CLEC16A: variants seen among roughly 807,000 people sequenced by gnomAD.
CLEC16A encodes the protein protein CLEC16A.
In CLEC16A, 51 loss-of-function variants were observed where a neutral mutation model predicts 109.5. The observed-to-expected ratio is 0.47, with a 90% CI of 0.37 to 0.59. The LOEUF is 0.59. Ranked by LOEUF, CLEC16A falls within the 20% of genes least tolerant of loss-of-function variation. CLEC16A has a pLI of 0.00. For synonymous variants in CLEC16A, 673 were observed against 564.2 expected (o/e 1.19, Z -2.73); for missense variants, 1,339 against 1,394.0 (o/e 0.96, Z 0.63).
At chr16:11,065,944 C>T (rs1362261387) in intron 19 of CLEC16A, among the ~76,000 whole-genome samples, 1 of 152,190 alleles carries the variant, frequency 6.6e-6, no homozygotes, top group African/African-American at 2.4e-5. Context: ...CTGTCCCAAA[C>T]GGACACTTCT....
chr16:11,061,975 C>A (rs1195680596), intron 19 of CLEC16A, among the ~76,000 whole-genome samples: 1 of 152,088 alleles, frequency 6.6e-6, no homozygotes, highest in Non-Finnish European at 1.5e-5. Context: ...GCTACACAGC[C>A]CTGATGGAAA....
At chr16:11,047,411 T>C in intron 17 of CLEC16A, 69 bp downstream of exon 17, 1 of 1,261,520 alleles carries the variant, frequency 7.9e-7, no homozygotes, top group African/African-American at 1.5e-5. Context: ...CCCCTGCCCA[T>C]CCCAGAGGGA....
At chr16:11,149,085 G>A (rs570686728) in intron 22 of CLEC16A, among the ~76,000 whole-genome samples, 2 of 152,240 alleles carry the variant, frequency 1.3e-5, no homozygotes, top group Admixed American at 1.3e-4. Context: ...GAGAGATGGT[G>A]AATCAAAGTG....
Position 11,026,995 on chromosome 16 carries a change from G to A in CLEC16A, c.1537+2074G>A, listed in dbSNP as rs1009591277. The A allele has an allele frequency of 1.5e-5, 23 of 1,557,356 alleles. No individual in the cohort carries two copies. The Admixed American group carries it at 1.8e-4, about 12-fold the overall frequency. On this transcript the variant is annotated intron_variant, in intron 13 of 23. Transcript: ENST00000409790. ...TGTCTTTCCCATGTGGTGGGGTTGC[G>A]CATGATCAGTAGCTGCACCACTAGA...
chr16:10,947,936 C>T (rs1297020365), intron 1 of CLEC16A, among the ~76,000 whole-genome samples: 1 of 151,972 alleles, frequency 6.6e-6, no homozygotes, highest in African/African-American at 2.4e-5. Flanking sequence ...CTCTGTTGCC[C>T]AGGCTGGAGT....
chr16:11,110,962 C>G (rs548843788), intron 19 of CLEC16A, among the ~76,000 whole-genome samples: 5 of 152,164 alleles, frequency 3.3e-5, no homozygotes, highest in Non-Finnish European at 5.9e-5. Context: ...TTCCCAGCAT[C>G]TTAAAGTTGT....
At position 10,944,810 on chromosome 16, in the gene CLEC16A, G is replaced by C; in HGVS notation, c.80+13G>C. 1 of 1,596,564 alleles carries C rather than the reference G, an allele frequency of 6.3e-7. No homozygotes were observed. The highest frequency in any genetic ancestry group is 1.1e-5 in the South Asian group (1 of 88,648). On this transcript the variant is annotated intron_variant, in intron 1 of 23. Transcript: ENST00000409790. ...TGGACCACCTCAAGTGAGTGTGGGGGGCGTAGCGGGAGGCCTCGGGGCTGG... is the reference window on the plus strand; with the variant it reads ...TGGACCACCTCAAGTGAGTGTGGGGCGCGTAGCGGGAGGCCTCGGGGCTGG...
chr16:10,949,758 T>G (rs562140139), intron 1 of CLEC16A, among the ~76,000 whole-genome samples: 1 of 152,232 alleles, frequency 6.6e-6, no homozygotes, highest in African/African-American at 2.4e-5. Context: ...AGGGGCAGAC[T>G]GGAGGTGGGC....
chr16:11,058,312 G>A (rs2048312780), intron 18 of CLEC16A, among the ~76,000 whole-genome samples: 1 of 152,186 alleles, frequency 6.6e-6, no homozygotes, highest in Non-Finnish European at 1.5e-5. Context: ...GCTCCCCCAA[G>A]GATACCAAAA....
chr16:11,117,942 A>C (rs2052122275), intron 19 of CLEC16A, among the ~76,000 whole-genome samples: 1 of 152,086 alleles, frequency 6.6e-6, no homozygotes, highest in Non-Finnish European at 1.5e-5. Flanking sequence ...ACATTAAATT[A>C]GACATTGAAT....
intron 14 of CLEC16A, chr16:11,040,345 GA>G (rs2047256430): frequency 6.2e-6 from 1 of 161,256 alleles, no homozygotes; most frequent in African/African-American, 2.4e-5. Context: ...TGCGCTTGGA[GA>G]AAAACTCACT....
intron 13 of CLEC16A, among the ~76,000 whole-genome samples, chr16:11,039,070 G>A (rs962665558): frequency 6.6e-6 from 1 of 152,114 alleles, no homozygotes; most frequent in African/African-American, 2.4e-5. Flanking sequence ...AGCGTAGAAG[G>A]TGCGTAATAC....
chr16:11,042,177 A>C, intron 14 of CLEC16A, 77 bp from the exon 15 acceptor site: 1 of 1,079,964 alleles, frequency 9.3e-7, no homozygotes, highest in Non-Finnish European at 1.4e-6. Context: ...GCTAGCCTCA[A>C]CGTGGATAGG....
intron 7 of CLEC16A, among the ~76,000 whole-genome samples, chr16:10,974,352 T>C (rs1231425992): frequency 1.3e-5 from 2 of 152,210 alleles, no homozygotes; most frequent in African/African-American, 2.4e-5. Flanking sequence ...TAAATCTCTT[T>C]TAAAAAACAG....
intron 22 of CLEC16A, chr16:11,149,741 A>G (rs1479235783): frequency 2.6e-5 from 4 of 151,988 alleles, no homozygotes; most frequent in African/African-American, 9.7e-5. Context: ...GTGAGCCAAG[A>G]TCACACCAGT....
At chr16:11,071,058 G>A (rs989394328) in intron 19 of CLEC16A, 2 of 152,254 alleles carry the variant, frequency 1.3e-5, no homozygotes, top group Non-Finnish European at 2.9e-5. Flanking sequence ...CTTTTAGGCA[G>A]AGTGGAAGTC....
At position 11,039,436 on chromosome 16, in the gene CLEC16A, A is replaced by G. The variant is rs555619964; in HGVS notation, c.1538-318A>G. On this transcript the variant is annotated intron_variant, in intron 13 of 23. Transcript: ENST00000409790. ...AGTTCAGTTTATGGAGAGCTCTGCG[A>G]TAAGTTATGGCACCAACAGCAACCA... 3.3e-5 allele frequency among the ~76,000 whole-genome samples: 5 copies of G among 152,328 alleles called. 1 individual carries two copies. The South Asian group carries it at 1.0e-3, about 32-fold the overall frequency.
rs372491604 is a variant in CLEC16A at position 11,082,585 on chromosome 16, G to A, written c.2116+21563G>A. On this transcript the variant is annotated intron_variant, in intron 19 of 23. Transcript: ENST00000409790. Reference sequence around the variant, plus strand: ...AGTGGTGTGTAAAGGCAGCCGGAGCGGCTGTGCATTCGTTCAGCAGCCGTT... The same window carrying A: ...AGTGGTGTGTAAAGGCAGCCGGAGCAGCTGTGCATTCGTTCAGCAGCCGTT... Among the ~76,000 whole-genome samples the A allele has an allele frequency of 3.1e-3, 467 of 152,240 alleles. 1 individual carries two copies. The highest frequency in any genetic ancestry group is 9.7e-3 in the African/African-American group (403 of 41,542).
chr16:11,018,096 T>G (rs1359373642), intron 11 of CLEC16A, among the ~76,000 whole-genome samples: 1 of 146,328 alleles, frequency 6.8e-6, no homozygotes, highest in African/African-American at 2.5e-5. Flanking sequence ...TCATTTGAGC[T>G]CAGAAGTTTG....
Sources: allele counts gnomAD v4.1 joint callset (sites outside exome capture counted in the v4.1 genomes callset), GRCh38; gene constraint gnomAD v4.1.1; transcripts MANE v1.5; gene names NCBI Gene and HGNC (gene_info 2026-07-23, HGNC 2026-07-21).